The following SRC variants were observed in gnomAD, a reference collection of about 807,000 sequenced individuals.
The protein encoded by SRC is proto-oncogene tyrosine-protein kinase Src.
A neutral mutation model predicts 62.9 loss-of-function variants in SRC; 13 were observed. That is an observed-to-expected ratio of 0.21 (90% CI 0.13 to 0.33). SRC has a LOEUF of 0.33. Among genes scored for constraint, SRC ranks in the 10% least tolerant of loss-of-function variants. The probability of loss-of-function intolerance (pLI) is 1.00; values close to 1 mark genes in which losing one functional copy is unlikely to be tolerated. For missense variants in SRC, 457 were observed against 737.3 expected (o/e 0.62, Z 4.40); for synonymous variants, 302 against 317.5 (o/e 0.95, Z 0.52).
chr20:37,378,198 T>C (rs929339139), intron 2 of SRC, among the ~76,000 whole-genome samples: 1 of 148,466 alleles, frequency 6.7e-6, no homozygotes, highest in Non-Finnish European at 1.5e-5. Flanking sequence ...GGTCTCGTTC[T>C]GTCATCCAGG....
chr20:37,359,130 G>T (rs539140647), intron 1 of SRC, among the ~76,000 whole-genome samples: 1 of 152,270 alleles, frequency 6.6e-6, no homozygotes, highest in Admixed American at 6.5e-5. Context: ...GACCAGGCAG[G>T]TGGCAGGAGG....
At chr20:37,369,720 G>C (rs777097520) in intron 2 of SRC, among the ~76,000 whole-genome samples, 2 of 151,968 alleles carry the variant, frequency 1.3e-5, no homozygotes, top group Non-Finnish European at 2.9e-5. Flanking sequence ...TCTGATCTTG[G>C]GGGGATGGCA....
intron 1 of SRC, among the ~76,000 whole-genome samples, chr20:37,346,685 C>G (rs1600943993): frequency 1.3e-5 from 2 of 152,070 alleles, no homozygotes; most frequent in East Asian, 3.9e-4. Context: ...GTGGGGGGAT[C>G]GGCAGGGCGG....
In SRC at chr20:37,388,090, C is replaced by T. The variant is rs556836325; in HGVS notation, c.350+1916C>T. Among the ~76,000 whole-genome samples, 471 of 152,262 alleles carry T rather than the reference C, an allele frequency of 3.1e-3. 6 individuals carry two copies. Among genetic ancestry groups the T allele is most frequent in the African/African-American group, 0.011 (438 of 41,538 alleles). On this transcript the variant is annotated intron_variant, in intron 5 of 13. Transcript: ENST00000373578. ...GGGAGAGGCCCGTGCAGGGGAGGGG[C>T]GTCAGCAGGATGGCTCTGAAGTCCT... is the stretch of plus-strand genomic sequence containing the variant.
intron 1 of SRC, among the ~76,000 whole-genome samples, chr20:37,346,491 G>T (rs1466187038): frequency 6.6e-6 from 1 of 151,994 alleles, no homozygotes; most frequent in Non-Finnish European, 1.5e-5. Context: ...GGCGGGGGGG[G>T]CGCAGGGTTC....
chr20:37,354,690 AGGCTG>A (rs1196301691), intron 1 of SRC, among the ~76,000 whole-genome samples: 5 of 152,162 alleles, frequency 3.3e-5, no homozygotes, highest in Non-Finnish European at 5.9e-5. Flanking sequence ...CAAGTCCTCA[AGGCTG>A]GGCCTGGTTG....
chr20:37,385,479 G>A (rs2070440123), intron 4 of SRC, among the ~76,000 whole-genome samples: 1 of 152,068 alleles, frequency 6.6e-6, no homozygotes, highest in Admixed American at 6.5e-5. Context: ...AAGGGGCGCT[G>A]CTGCGAAGGC....
At chr20:37,350,889 A>G (rs1568616420) in intron 1 of SRC, among the ~76,000 whole-genome samples, 1 of 152,166 alleles carries the variant, frequency 6.6e-6, no homozygotes, top group Non-Finnish European at 1.5e-5. Context: ...AGAGTATTGT[A>G]TGTGTGCCAT....
At chr20:37,365,971 C>A (rs2070057508) in intron 2 of SRC, among the ~76,000 whole-genome samples, 1 of 152,040 alleles carries the variant, frequency 6.6e-6, no homozygotes, top group African/African-American at 2.4e-5. Flanking sequence ...GACAGTGTAC[C>A]TCAGAGATCA....
At chr20:37,390,736 C>G (rs1440336062) in intron 5 of SRC, among the ~76,000 whole-genome samples, 1 of 152,032 alleles carries the variant, frequency 6.6e-6, no homozygotes, top group Admixed American at 6.6e-5. Context: ...GGGAGGGAGA[C>G]ATGCTGACCC....
chr20:37,357,960 G>C (rs2069908214), intron 1 of SRC, among the ~76,000 whole-genome samples: 2 of 152,190 alleles, frequency 1.3e-5, no homozygotes, highest in South Asian at 4.1e-4. Context: ...CGAGGGGAGG[G>C]ATGGGGTTGG....
Position 37,396,537 on chromosome 20 carries a change from C to T in SRC, c.703+226C>T. 3 of 618,788 alleles carry T rather than the reference C, an allele frequency of 4.8e-6. No individual in the cohort carries two copies. Among genetic ancestry groups the T allele is most frequent in the South Asian group, 2.0e-5 (1 of 50,362 alleles). 38.3% of individuals were successfully genotyped at this position (618,788 alleles called of 1,614,324 possible). A position where few individuals can be genotyped will look rare whatever the true frequency, so the allele number is the denominator to read the frequency against. ...CCCTCCTCCCTGTCCCCCTCTCTCC[C>T]TGCTCCACGCAGTGTCCCACTGCCC... On this transcript the variant is annotated intron_variant, in intron 8 of 13. Transcript: ENST00000373578. The surrounding 1 kb of genome is among the most constrained non-coding windows in gnomAD (Gnocchi z 6.1).
chr20:37,379,684 A>G (rs1253807394), intron 2 of SRC, among the ~76,000 whole-genome samples: 9 of 151,074 alleles, frequency 6.0e-5, no homozygotes, highest in Non-Finnish European at 1.5e-5. Context: ...AGATCACACC[A>G]TTGCACTCCA....
At chr20:37,378,189 G>A (rs1445673032) in intron 2 of SRC, among the ~76,000 whole-genome samples, 1 of 142,152 alleles carries the variant, frequency 7.0e-6, no homozygotes, top group Non-Finnish European at 1.5e-5. Flanking sequence ...TTGAGACAGG[G>A]TCTCGTTCTG....
chr20:37,401,633 A>C lies in SRC; in HGVS notation c.1071A>C (p.Thr357=). The change falls in exon 11 of 14, where the codon ACA becomes ACC. Residue 357 remains threonine, a synonymous_variant. Transcript: ENST00000373578. ...GSLLDFLKGE[T]GKYLRLPQLV... Reference sequence around the variant, plus strand: ...TGCTGGACTTTCTCAAGGGGGAGACAGGCAAGTACCTGCGGCTGCCTCAGC... The same window carrying C: ...TGCTGGACTTTCTCAAGGGGGAGACCGGCAAGTACCTGCGGCTGCCTCAGC... The C allele has an allele frequency of 1.2e-6, 2 of 1,610,828 alleles. No homozygotes were observed. Among genetic ancestry groups the C allele is most frequent in the Admixed American group, 3.4e-5 (2 of 59,650 alleles).
intron 1 of SRC, among the ~76,000 whole-genome samples, chr20:37,358,457 C>T (rs79983800): frequency 0.033 from 5,040 of 152,268 alleles, 301 homozygotes; most frequent in African/African-American, 0.11. Context: ...TGGATTCACT[C>T]AAGTCTCCCC....
In SRC at chr20:37,384,923, C is replaced by T. The variant is rs1009693556; in HGVS notation, c.250+520C>T. ...CCGTTTTGGAGAGCCGCGGCGGTGC[C>T]CCAGACACTCCACGCAGACTTCACT... On this transcript the variant is annotated intron_variant, in intron 4 of 13. Coordinates refer to ENST00000373578, the MANE Select transcript of SRC (RefSeq NM_198291.3). This position sits in a 1 kb window ranked among gnomAD's most constrained non-coding sequence, Gnocchi z 6.7. Among the ~76,000 whole-genome samples, 1 of 152,176 alleles carries T rather than the reference C, an allele frequency of 6.6e-6. No individual in the cohort carries two copies. The highest frequency in any genetic ancestry group is 6.5e-5 in the Admixed American group (1 of 15,286).
chr20:37,367,095 A>ATTT (rs770197409), intron 2 of SRC, among the ~76,000 whole-genome samples: 2 of 125,388 alleles, frequency 1.6e-5, no homozygotes, highest in Non-Finnish European at 3.5e-5. Context: ...TGTGGTTTTG[A>ATTT]TTTTTTTTTT....
At position 37,396,418 on chromosome 20, in the gene SRC, C is replaced by T. The variant is rs556720831; in HGVS notation, c.703+107C>T. 251 of 1,315,988 alleles carry T rather than the reference C, an allele frequency of 1.9e-4. 1 individual carries two copies. Among genetic ancestry groups the T allele is most frequent in the East Asian group, 1.8e-3 (74 of 41,602 alleles). The allele number at this position is 1,315,988 out of a possible 1,614,324, so 81.5% of individuals were successfully genotyped here. On this transcript the variant is annotated intron_variant, in intron 8 of 13. Transcript: ENST00000373578. This position sits in a 1 kb window ranked among gnomAD's most constrained non-coding sequence, Gnocchi z 6.1. ...GGTGGGGACTTCTGTTATCCTGCTTCTCTCCCCACTTCCCCCTCCCCCCTC... is the reference window on the plus strand; with the variant it reads ...GGTGGGGACTTCTGTTATCCTGCTTTTCTCCCCACTTCCCCCTCCCCCCTC...
Sources: gnomAD v4.1 joint callset for allele counts (sites outside exome capture counted in the v4.1 genomes callset) on GRCh38, gnomAD v4.1.1 for gene constraint, Gnocchi (gnomAD v3.1) non-coding constraint, MANE v1.5 for transcripts, NCBI Gene and HGNC (gene_info 2026-07-23, HGNC 2026-07-21) for gene names.